HNRNPL: variants seen among roughly 807,000 people sequenced by gnomAD.
The protein encoded by HNRNPL is epididymis secretory sperm binding protein.
A neutral mutation model predicts 64.0 loss-of-function variants in HNRNPL; 12 were observed. The ratio of observed to expected loss-of-function variants is 0.19; its 90% CI spans 0.12 to 0.30. The LOEUF (loss-of-function observed/expected upper bound fraction) is 0.30, where lower values mean the gene tolerates loss of function less well. Among genes scored for constraint, HNRNPL ranks in the 10% least tolerant of loss-of-function variants. HNRNPL has a pLI of 1.00. For synonymous variants in HNRNPL, 385 were observed against 313.0 expected (o/e 1.23, Z -2.43); for missense variants, 484 against 797.4 (o/e 0.61, Z 4.73).
Position 38,838,379 on chromosome 19 carries a change from C to T in HNRNPL, c.1557+18G>A. ...CGTGGCAAGGACCCGACTGCCTGCGCAGCTCCACGGCACACACCTCAAAGA... is the reference window on the plus strand; with the variant it reads ...CGTGGCAAGGACCCGACTGCCTGCGTAGCTCCACGGCACACACCTCAAAGA... On this transcript the variant is annotated intron_variant, in intron 10 of 12. Transcript: ENST00000221419. 1 of 1,597,610 alleles carries T rather than the reference C, an allele frequency of 6.3e-7. No individual in the cohort carries two copies. Among genetic ancestry groups the T allele is most frequent in the Non-Finnish European group, 8.6e-7 (1 of 1,166,506 alleles).
At chr19:38,847,170 A>G (rs1283983133) in intron 2 of HNRNPL, 146 bp downstream of exon 2, 1 of 502,722 alleles carries the variant, frequency 2.0e-6, no homozygotes, top group Non-Finnish European at 3.6e-6. Flanking sequence ...GACACAAAGT[A>G]CAATGGCCAA....
chr19:38,837,571 G>C, intron 11 of HNRNPL, 23 bp downstream of exon 11: 1 of 1,613,930 alleles, frequency 6.2e-7, no homozygotes, highest in Non-Finnish European at 8.5e-7. Context: ...ATTAGGGCAA[G>C]GAGGTGGGCA....
At chr19:38,838,286 G>T in intron 10 of HNRNPL, 111 bp downstream of exon 10, 1 of 849,860 alleles carries the variant, frequency 1.2e-6, no homozygotes, top group Non-Finnish European at 1.9e-6. Context: ...TCAACCCAGG[G>T]CCAGGCAGGA....
At chr19:38,849,514 A>C (rs2145440542) in intron 1 of HNRNPL, 186 bp downstream of exon 1, 1 of 788,724 alleles carries the variant, frequency 1.3e-6, no homozygotes, top group Middle Eastern at 4.3e-4. Context: ...GACCCCGCGC[A>C]CGCGCAGGCG....
chr19:38,848,580 T>A (rs756338554), intron 1 of HNRNPL, among the ~76,000 whole-genome samples: 11 of 152,142 alleles, frequency 7.2e-5, no homozygotes, highest in Non-Finnish European at 1.6e-4. Context: ...CAGAAGTGCG[T>A]GGAAGGTGGG....
chr19:38,850,542 G>T (rs862458), upstream of HNRNPL, among the ~76,000 whole-genome samples: 65,497 of 152,068 alleles, frequency 0.43, 15,869 homozygotes, highest in Non-Finnish European at 0.56. Context: ...GATGAAATGG[G>T]GAGCCCCGCC....
In HNRNPL at chr19:38,836,764, G is replaced by A. The variant is rs1031673475; in HGVS notation, c.1728C>T (p.Tyr576=). The A allele has an allele frequency of 7.4e-6, 12 of 1,613,228 alleles. No homozygotes were observed. Among genetic ancestry groups the A allele is most frequent in the Non-Finnish European group, 1.0e-5 (12 of 1,179,618 alleles). ...CAGTGGAGAAACACAACTTCAGAGT[G>A]TAAGGGTATGGACCATCTGCAAAGG... ...QMKNPNGPYP[Y]TLKLCFSTAQ... The change falls in exon 13 of 13, where the codon TAC becomes TAT. Residue 576 remains tyrosine, a synonymous_variant. Coordinates refer to ENST00000221419, the MANE Select transcript of HNRNPL (RefSeq NM_001533.3).
rs769689876 is a variant in HNRNPL at position 38,843,882 on chromosome 19, C to T, written c.840G>A (p.Gln280=). The T allele has an allele frequency of 8.7e-6, 14 of 1,614,062 alleles. No individual in the cohort carries two copies. In the Admixed American group the frequency reaches 1.8e-4, roughly 21 times the overall value. Residue 280 remains glutamine, a synonymous_variant, in exon 6 of 13, where the codon CAG becomes CAA. Coordinates refer to ENST00000221419, the MANE Select transcript of HNRNPL (RefSeq NM_001533.3). The stretch of plus-strand genomic sequence containing the variant: ...TGGGGTTTGTGTAGTCCCAAGTATC[C>T]TGATCATTCTTGAACACATTCAAGC... ...PTRLNVFKND[Q]DTWDYTNPNL...
chr19:38,844,902 T>C (rs957917899), intron 4 of HNRNPL: 1 of 151,810 alleles, frequency 6.6e-6, no homozygotes, highest in Non-Finnish European at 1.5e-5. Flanking sequence ...AGCGACAGGG[T>C]TTCACCACGT....
Position 38,849,892 on chromosome 19 carries a change from C to A in HNRNPL, c.75G>T (p.Gln25His). 8.0e-7 allele frequency: 1 copy of A among 1,257,238 alleles called. No homozygotes were observed. Among genetic ancestry groups the A allele is most frequent in the Non-Finnish European group, 1.1e-6 (1 of 895,574 alleles). 77.9% of individuals were successfully genotyped at this position (1,257,238 alleles called of 1,614,324 possible). ...RLEQRQQPDE[Q>H]RRRSGAMVKM... is the part of the protein sequence containing the mutation. The stretch of plus-strand genomic sequence containing the variant: ...TCACCATCGCTCCCGACCGCCTCCG[C>A]TGCTCGTCCGGCTGCTGCCTCTGCT... Residue 25 changes from glutamine (Q) to histidine (H), a missense_variant, in exon 1 of 13, where the codon CAG (glutamine) becomes CAT (histidine). This residue lies in a region of HNRNPL where 190 missense variants were observed against 160.1 expected (regional missense o/e 1.19). Transcript: ENST00000221419.
At chr19:38,846,895 G>A (rs1011203154) in intron 2 of HNRNPL, among the ~76,000 whole-genome samples, 2 of 152,092 alleles carry the variant, frequency 1.3e-5, no homozygotes, top group Non-Finnish European at 2.9e-5. Flanking sequence ...GACAGAGCAA[G>A]AGACTGTCTC....
At chr19:38,838,679 G>C (rs576275719) in intron 9 of HNRNPL, 81 bp from the exon 10 acceptor site, 2 of 1,442,884 alleles carry the variant, frequency 1.4e-6, no homozygotes, top group South Asian at 2.3e-5. Context: ...CAGAGGCTTA[G>C]CTTGCCCTGT....
intron 12 of HNRNPL, chr19:38,837,064 A>G (rs1971953158): frequency 1.7e-5 from 9 of 542,172 alleles, no homozygotes; most frequent in Non-Finnish European, 2.3e-5. Context: ...CCTGCTGGAT[A>G]GTGTTGCCTC....
intron 4 of HNRNPL, among the ~76,000 whole-genome samples, chr19:38,844,546 C>G (rs748517759): frequency 6.6e-6 from 1 of 152,150 alleles, no homozygotes; most frequent in African/African-American, 2.4e-5. Context: ...CCAAACCCGT[C>G]TGCTTGCCAG....
intron 6 of HNRNPL, chr19:38,841,042 A>T (rs760117592): frequency 1.4e-4 from 27 of 192,860 alleles, no homozygotes; most frequent in Non-Finnish European, 1.2e-4. Context: ...TCTCTGTTAG[A>T]TCCCTTCTTT....
At chr19:38,840,698 T>C (rs553628126) in intron 6 of HNRNPL, 139 bp from the exon 7 acceptor site, 66 of 713,104 alleles carry the variant, frequency 9.3e-5, no homozygotes, top group Non-Finnish European at 2.2e-5. Context: ...GGGGCCTCCT[T>C]TTGTGATCTG....
At chr19:38,840,648 G>A in intron 6 of HNRNPL, 89 bp from the exon 7 acceptor site, 2 of 1,041,404 alleles carry the variant, frequency 1.9e-6, no homozygotes, top group Non-Finnish European at 2.9e-6. Context: ...TGAGCCCCCA[G>A]CTCCTGCCAA....
Position 38,849,963 on chromosome 19 carries a change from A to G in HNRNPL, c.4T>C (p.Ser2Pro), listed in dbSNP as rs1972456654. The G allele has an allele frequency of 7.5e-7, 1 of 1,335,050 alleles. No homozygotes were observed. 82.7% of individuals were successfully genotyped at this position (1,335,050 alleles called of 1,614,324 possible). A position where few individuals can be genotyped will look rare whatever the true frequency, so the allele number is the denominator to read the frequency against. Residue 2 changes from serine (S) to proline (P), a missense_variant, in exon 1 of 13, where the codon TCG (serine) becomes CCG (proline). Around this residue, in one of 9 missense-constraint regions of HNRNPL, gnomAD observed 190 missense variants for 160.1 expected, o/e 1.19. Coordinates refer to ENST00000221419, the MANE Select transcript of HNRNPL (RefSeq NM_001533.3). MSRRLLPRAEKR... is the reference protein window; with the variant it reads MPRRLLPRAEKR... ...TCCGCCCGGGGCAGCAGCCTCCGCGACATGGCGGCGCAGAACCCGCCTCCC... is the reference window on the plus strand; with the variant it reads ...TCCGCCCGGGGCAGCAGCCTCCGCGGCATGGCGGCGCAGAACCCGCCTCCC...
At chr19:38,847,511 G>T in intron 1 of HNRNPL, 77 bp from the exon 2 acceptor site, 1 of 760,786 alleles carries the variant, frequency 1.3e-6, no homozygotes, top group Non-Finnish European at 2.0e-6. Flanking sequence ...TACTGTTGTA[G>T]ACCCAGTCAG....
Sources: allele counts gnomAD v4.1 joint callset (sites outside exome capture counted in the v4.1 genomes callset), GRCh38; gene constraint gnomAD v4.1.1; regional missense constraint gnomAD v4.1.1; transcripts MANE v1.5; gene names NCBI Gene and HGNC (gene_info 2026-07-23, HGNC 2026-07-21).